The following COMMD7 variants were observed in gnomAD, a reference collection of about 807,000 sequenced individuals.
The protein encoded by COMMD7 is COMM domain-containing protein 7.
In COMMD7, 28 loss-of-function variants were observed where a neutral mutation model predicts 34.8. That is an observed-to-expected ratio of 0.80 (90% CI 0.60 to 1.10). The LOEUF is 1.10. Ranked by LOEUF, COMMD7 falls within the 50% of genes least tolerant of loss-of-function variation. COMMD7 has a pLI of 0.00. For synonymous variants in COMMD7, 80 were observed against 86.4 expected, an observed-to-expected ratio of 0.93 and a Z score of 0.41; for missense variants, 211 against 241.6, an observed-to-expected ratio of 0.87 and a Z score of 0.84.
At chr20:32,729,025 T>C (rs1985686409) in intron 1 of COMMD7, among the ~76,000 whole-genome samples, 1 of 152,292 alleles carries the variant, frequency 6.6e-6, no homozygotes, top group South Asian at 2.1e-4. Flanking sequence ...AACTGAATGT[T>C]TGTGTCTCCC....
At chr20:32,704,518 G>C (rs774392318) in intron 6 of COMMD7, 29 bp from the exon 7 acceptor site, 2 of 1,584,000 alleles carry the variant, frequency 1.3e-6, no homozygotes, top group South Asian at 2.3e-5. Context: ...AAAAGAGAGA[G>C]AGAGAGAGAA....
At chr20:32,740,603 A>G (rs1986389117) in intron 1 of COMMD7, among the ~76,000 whole-genome samples, 1 of 151,970 alleles carries the variant, frequency 6.6e-6, no homozygotes, top group Non-Finnish European at 1.5e-5. Flanking sequence ...GTTTTAAGCT[A>G]TGTGTTACTA....
At chr20:32,718,496 C>T (rs192576426) in intron 3 of COMMD7, among the ~76,000 whole-genome samples, 2 of 151,934 alleles carry the variant, frequency 1.3e-5, no homozygotes, top group Non-Finnish European at 2.9e-5. Context: ...CTCAGGAGTT[C>T]GAGACCAGCC....
In COMMD7 at chr20:32,723,162, C is replaced by G. The variant is rs1349819112; in HGVS notation, c.241+4731G>C. Among the ~76,000 whole-genome samples, 2 of 54,730 alleles carry G rather than the reference C, an allele frequency of 3.7e-5. 1 individual carries two copies. The highest frequency in any genetic ancestry group is 1.3e-4 in the African/African-American group (2 of 15,524). 35.9% of individuals were successfully genotyped at this position (54,730 alleles called of 152,430 possible). A position where few individuals can be genotyped will look rare whatever the true frequency, so the allele number is the denominator to read the frequency against. ...TCTCCGTCTCCGTCTCCGTCTCCCT[C>G]TCCCTCTCCCCACGGTCTCCCTCTC... On this transcript the variant is annotated intron_variant, in intron 3 of 8. Coordinates refer to ENST00000278980, the MANE Select transcript of COMMD7 (RefSeq NM_053041.3).
At position 32,706,215 on chromosome 20, in the gene COMMD7, A is replaced by G. The variant is rs559529077; in HGVS notation, c.336+368T>C. ...CTCTGTCTCAAAAAAAAAAAAAAAG[A>G]AAGAAAGAAAGAAAGAGGTCGAGCA... On this transcript the variant is annotated intron_variant, in intron 5 of 8. Transcript: ENST00000278980. Among the ~76,000 whole-genome samples, 3 of 151,180 alleles carry G rather than the reference A, an allele frequency of 2.0e-5. No individual in the cohort carries two copies. The East Asian group carries it at 5.8e-4, about 29-fold the overall frequency.
At chr20:32,704,310 C>T (rs897823613) in intron 7 of COMMD7, 130 bp downstream of exon 7, 12 of 888,264 alleles carry the variant, frequency 1.4e-5, no homozygotes, top group South Asian at 1.8e-5. Flanking sequence ...CTTTAGCTGG[C>T]CACACTGCTC....
chr20:32,725,322 A>C (rs1292736724), intron 3 of COMMD7, among the ~76,000 whole-genome samples: 2 of 152,200 alleles, frequency 1.3e-5, no homozygotes. Flanking sequence ...ATAAAAATAT[A>C]AAAGGCCATA....
intron 3 of COMMD7, among the ~76,000 whole-genome samples, chr20:32,727,315 G>A (rs1424856486): frequency 6.6e-6 from 1 of 152,056 alleles, no homozygotes; most frequent in South Asian, 2.1e-4. Flanking sequence ...ATGGGAGGCT[G>A]AGGCAGACAG....
chr20:32,710,631 A>T (rs1984377281), intron 3 of COMMD7, among the ~76,000 whole-genome samples: 1 of 150,716 alleles, frequency 6.6e-6, no homozygotes, highest in Non-Finnish European at 1.5e-5. Context: ...CAGGAGGCTG[A>T]GGTGGGAGGA....
rs1485323016 is a variant in COMMD7, at chr20:32,723,156, C to T, written c.241+4737G>A. On this transcript the variant is annotated intron_variant, in intron 3 of 8. Transcript: ENST00000278980. ...TCTCCGTCTCCGTCTCCGTCTCCGT[C>T]TCCCTCTCCCTCTCCCCACGGTCTC... Among the ~76,000 whole-genome samples, 15 of 51,046 alleles carry T rather than the reference C, an allele frequency of 2.9e-4. 6 individuals are homozygous for T. The highest frequency in any genetic ancestry group is 7.7e-4 in the Non-Finnish European group (15 of 19,458). The allele number at this position is 51,046 out of a possible 152,430, so 33.5% of individuals were successfully genotyped here.
chr20:32,734,603 A>G (rs1350850227), intron 1 of COMMD7, among the ~76,000 whole-genome samples: 1 of 152,044 alleles, frequency 6.6e-6, no homozygotes, highest in Admixed American at 6.6e-5. Flanking sequence ...CAAGATCACC[A>G]TAGGCAGCAT....
intron 1 of COMMD7, 150 bp downstream of exon 1, chr20:32,743,158 G>A: frequency 1.6e-6 from 1 of 635,836 alleles, no homozygotes; most frequent in East Asian, 3.5e-5. Flanking sequence ...GCCTCGCCCC[G>A]AACCCACCTC....
At chr20:32,714,088 G>A (rs1984628683) in intron 3 of COMMD7, among the ~76,000 whole-genome samples, 1 of 152,112 alleles carries the variant, frequency 6.6e-6, no homozygotes, top group Non-Finnish European at 1.5e-5. Context: ...ACTCCAGCCT[G>A]GGCAATAGAG....
At chr20:32,728,933 A>C (rs570052961) in intron 1 of COMMD7, among the ~76,000 whole-genome samples, 1 of 152,118 alleles carries the variant, frequency 6.6e-6, no homozygotes, top group East Asian at 1.9e-4. Flanking sequence ...ATAAACTGTA[A>C]CACTTTATTA....
chr20:32,737,383 A>G (rs1443976412), intron 1 of COMMD7, among the ~76,000 whole-genome samples: 4 of 149,592 alleles, frequency 2.7e-5, no homozygotes, highest in Non-Finnish European at 4.5e-5. Flanking sequence ...AAAAAAAGAT[A>G]AGCCAGGCAC....
intron 3 of COMMD7, among the ~76,000 whole-genome samples, chr20:32,720,355 C>T (rs1166851215): frequency 6.6e-6 from 1 of 152,056 alleles, no homozygotes; most frequent in Non-Finnish European, 1.5e-5. Context: ...ATTAGCCGGG[C>T]ATGGTGGCAC....
Position 32,743,361 on chromosome 20 carries a change from C to T in COMMD7, c.31G>A (p.Val11Met). 1.3e-6 allele frequency: 2 copies of T among 1,512,978 alleles called. No homozygotes were observed. Among genetic ancestry groups the T allele is most frequent in the Non-Finnish European group, 1.8e-6 (2 of 1,136,994 alleles). The allele number at this position is 1,512,978 out of a possible 1,614,324, so 93.7% of individuals were successfully genotyped here. MGRLHCTEDP[V>M]PEAVGGDMQQ... ...ATGTCGCCGCCCACGGCCTCCGGCA[C>T]CGGGTCCTCAGTGCAGTGCAGGCGG... Residue 11 changes from valine to methionine, a missense_variant, in exon 1 of 9, where the codon GTG (valine) becomes ATG (methionine). Transcript: ENST00000278980.
chr20:32,717,858 A>T (rs1356750986), intron 3 of COMMD7, among the ~76,000 whole-genome samples: 1 of 151,950 alleles, frequency 6.6e-6, no homozygotes, highest in East Asian at 1.9e-4. Context: ...TCATGCTTGT[A>T]ATCTCAGCAC....
At chr20:32,716,523 G>A (rs1000239636) in intron 3 of COMMD7, among the ~76,000 whole-genome samples, 58 of 152,308 alleles carry the variant, frequency 3.8e-4, no homozygotes, top group African/African-American at 1.1e-3. Context: ...GCTGAGGCAG[G>A]AGAATGGCGT....
Sources: gnomAD v4.1 joint callset for allele counts (sites outside exome capture counted in the v4.1 genomes callset) on GRCh38, gnomAD v4.1.1 for gene constraint, MANE v1.5 for transcripts, NCBI Gene and HGNC (gene_info 2026-07-23, HGNC 2026-07-21) for gene names.